The following PRKN variants were observed in gnomAD, a reference collection of about 807,000 sequenced individuals.
PRKN encodes E3 ubiquitin-protein ligase parkin.
In PRKN, 56 loss-of-function variants were observed where a neutral mutation model predicts 59.5. The ratio of observed to expected loss-of-function variants is 0.94; its 90% CI spans 0.76 to 1.18. PRKN has a LOEUF of 1.18. PRKN is among the 50% of genes most tolerant of loss of function. PRKN has a pLI of 0.00. For missense variants in PRKN, 657 were observed against 596.4 expected (o/e 1.10, Z -1.06); for synonymous variants, 250 against 222.1 (o/e 1.13, Z -1.12).
chr6:162,352,937 T>TC (rs2128131622), intron 2 of PRKN, among the ~76,000 whole-genome samples: 1 of 152,298 alleles, frequency 6.6e-6, no homozygotes, highest in Non-Finnish European at 1.5e-5. Flanking sequence ...GCAGCGTGCT[T>TC]ACTTTAAAAC....
intron 4 of PRKN, among the ~76,000 whole-genome samples, chr6:162,134,867 C>T (rs1781506371): frequency 1.3e-5 from 2 of 152,040 alleles, no homozygotes; most frequent in Non-Finnish European, 2.9e-5. Context: ...GATTAGAGTC[C>T]ATTATTACAA....
chr6:161,416,651 A>T (rs1447845552), intron 9 of PRKN, among the ~76,000 whole-genome samples: 1 of 152,110 alleles, frequency 6.6e-6, no homozygotes, highest in Non-Finnish European at 1.5e-5. Context: ...ACAGTGTCCT[A>T]TATTTGCTCA....
At chr6:162,472,927 C>A (rs1791830536) in intron 1 of PRKN, among the ~76,000 whole-genome samples, 1 of 151,480 alleles carries the variant, frequency 6.6e-6, no homozygotes. Context: ...CTCCAGAAAC[C>A]TATAGTTGTG....
chr6:161,923,033 G>A (rs1039365948), intron 6 of PRKN, among the ~76,000 whole-genome samples: 1 of 152,214 alleles, frequency 6.6e-6, no homozygotes, highest in African/African-American at 2.4e-5. Context: ...AGGCTGGCAG[G>A]CATCTTGCAG....
chr6:162,189,631 G>A (rs773935694), intron 4 of PRKN, among the ~76,000 whole-genome samples: 1 of 151,606 alleles, frequency 6.6e-6, no homozygotes, highest in Non-Finnish European at 1.5e-5. Context: ...TCTAATAAGG[G>A]AGCCCAGAAC....
intron 10 of PRKN, among the ~76,000 whole-genome samples, chr6:161,370,611 A>AAAAAAAG (rs1554253822): frequency 6.8e-6 from 1 of 146,964 alleles, no homozygotes; most frequent in African/African-American, 2.7e-5. Context: ...AAAAAAAAAA[A>AAAAAAAG]GCCGAATTAG....
intron 6 of PRKN, among the ~76,000 whole-genome samples, chr6:161,899,490 G>C (rs1420057765): frequency 6.6e-6 from 1 of 152,134 alleles, no homozygotes; most frequent in Non-Finnish European, 1.5e-5. Flanking sequence ...AAGATATCCA[G>C]CCACAGGTGA....
intron 1 of PRKN, among the ~76,000 whole-genome samples, chr6:162,675,192 C>T (rs1304473558): frequency 2.0e-5 from 3 of 151,940 alleles, no homozygotes; most frequent in African/African-American, 7.2e-5. Flanking sequence ...GGATTACAGG[C>T]ACGCACCACC....
chr6:162,591,610 C>G (rs1214871139), intron 1 of PRKN, among the ~76,000 whole-genome samples: 1 of 151,968 alleles, frequency 6.6e-6, no homozygotes, highest in Non-Finnish European at 1.5e-5. Context: ...CAAATATCAC[C>G]TAATATATAA....
At position 161,395,997 on chromosome 6, in the gene PRKN, T is replaced by G. The variant is rs1786742062; in HGVS notation, c.1084-9120A>C. Among the ~76,000 whole-genome samples, 1 of 152,152 alleles carries G rather than the reference T, an allele frequency of 6.6e-6. No individual in the cohort carries two copies. Among genetic ancestry groups the G allele is most frequent in the Non-Finnish European group, 1.5e-5 (1 of 68,028 alleles). ...TGGGGGAACGGCAGCTTCCCTCACT[T>G]GTGGCTGTGTCGTGAGCCTCAGCTT... On this transcript the variant is annotated intron_variant, in intron 9 of 11. Transcript: ENST00000366898. The surrounding 1 kb of genome is among the most constrained non-coding windows in gnomAD (Gnocchi z 5.0).
rs564892940 is a variant in PRKN at position 161,844,779 on chromosome 6, C to T, written c.735-58871G>A. Among the ~76,000 whole-genome samples the T allele has an allele frequency of 2.4e-4, 36 of 152,346 alleles. 2 individuals carry two copies. In the South Asian group the frequency reaches 4.3e-3, roughly 18 times the overall value. On this transcript the variant is annotated intron_variant, in intron 6 of 11. Coordinates refer to ENST00000366898, the MANE Select transcript of PRKN (RefSeq NM_004562.3). ...CAGCAGGACAGACCCTCCACCCCCA[C>T]CCCGGAAGCAGAATCACACGCTTCG... is the stretch of plus-strand genomic sequence containing the variant.
At chr6:161,958,253 A>G (rs1780254482) in intron 6 of PRKN, among the ~76,000 whole-genome samples, 1 of 152,158 alleles carries the variant, frequency 6.6e-6, no homozygotes, top group Non-Finnish European at 1.5e-5. Flanking sequence ...CTGTGGTTAA[A>G]TTTTTAGCGC....
intron 1 of PRKN, among the ~76,000 whole-genome samples, chr6:162,583,940 G>A (rs373248456): frequency 1.5e-4 from 23 of 152,284 alleles, no homozygotes; most frequent in South Asian, 2.1e-4. Flanking sequence ...ATAGCTGGGC[G>A]CGGTGGCTCA....
chr6:162,206,402 T>C (rs1027839446), intron 3 of PRKN, among the ~76,000 whole-genome samples: 1 of 152,188 alleles, frequency 6.6e-6, no homozygotes, highest in Non-Finnish European at 1.5e-5. Flanking sequence ...CAGCTACTGA[T>C]AAGGAGCTGC....
At position 162,262,678 on chromosome 6, in the gene PRKN, C is replaced by T. The variant is rs754657726; in HGVS notation, c.259G>A (p.Asp87Asn). 5.6e-6 allele frequency: 9 copies of T among 1,612,524 alleles called. No homozygotes were observed. In the East Asian group the frequency reaches 6.7e-5, roughly 12 times the overall value. Residue 87 changes from aspartate to asparagine, a missense_variant, in exon 3 of 12, where the codon GAC becomes AAC. Physicochemically the swap from Asp to Asn is conservative, Grantham distance 23 (BLOSUM62 1). Transcript: ENST00000366898. ...CAGCCTCCCGCCGCGTTTCTGGGGT[C>T]GTCGCCTCCAGTTGCATTCATTTCT... ...GQEMNATGGDDPRNAAGGCER... is the reference protein window; with the variant it reads ...GQEMNATGGDNPRNAAGGCER...
At chr6:162,699,009 C>A (rs992797847) in intron 1 of PRKN, among the ~76,000 whole-genome samples, 1 of 151,924 alleles carries the variant, frequency 6.6e-6, no homozygotes, top group South Asian at 2.1e-4. Context: ...TTTTGTTAAT[C>A]ATTTAAAAAA....
intron 1 of PRKN, among the ~76,000 whole-genome samples, chr6:162,638,199 A>AAGAAGT (rs1777811608): frequency 6.6e-6 from 1 of 151,940 alleles, no homozygotes; most frequent in Admixed American, 6.6e-5. Context: ...AGACAATAAT[A>AAGAAGT]TTATCCCTAT....
rs112735848 is a variant in PRKN at position 162,318,091 on chromosome 6, G to T, written c.172-55326C>A. ...CTTCCTGATTCCTACCCCTCTCCAGGCCCTGGTAACTGCTATTCTATTTTC... is the reference window on the plus strand; with the variant it reads ...CTTCCTGATTCCTACCCCTCTCCAGTCCCTGGTAACTGCTATTCTATTTTC... On this transcript the variant is annotated intron_variant, in intron 2 of 11. Coordinates refer to ENST00000366898, the MANE Select transcript of PRKN (RefSeq NM_004562.3). 3.3e-5 allele frequency among the ~76,000 whole-genome samples: 5 copies of T among 151,860 alleles called. 1 individual carries two copies. The highest frequency in any genetic ancestry group is 1.2e-4 in the African/African-American group (5 of 41,406).
At chr6:162,203,330 C>T (rs757594498) in intron 3 of PRKN, among the ~76,000 whole-genome samples, 17 of 152,224 alleles carry the variant, frequency 1.1e-4, no homozygotes, top group Non-Finnish European at 1.6e-4. Context: ...ATCTATTACA[C>T]ACACTGCTTT....
Sources: gnomAD v4.1 joint callset for allele counts (sites outside exome capture counted in the v4.1 genomes callset) on GRCh38, gnomAD v4.1.1 for gene constraint, Gnocchi (gnomAD v3.1) non-coding constraint, MANE v1.5 for transcripts, NCBI Gene and HGNC (gene_info 2026-07-23, HGNC 2026-07-21) for gene names.